The following ROBO4 variants were observed in gnomAD, a reference collection of about 807,000 sequenced individuals.
ROBO4 encodes roundabout homolog 4.
In ROBO4, 80 loss-of-function variants were observed where a neutral mutation model predicts 103.3. The ratio of observed to expected loss-of-function variants is 0.77; its 90% CI spans 0.65 to 0.93. The LOEUF (loss-of-function observed/expected upper bound fraction) is 0.93, where lower values mean the gene tolerates loss of function less well. Ranked by LOEUF, ROBO4 falls within the 40% of genes least tolerant of loss-of-function variation. The pLI is 0.00. For synonymous variants in ROBO4, 504 were observed against 529.7 expected (o/e 0.95, Z 0.67); for missense variants, 1,333 against 1,305.3 (o/e 1.02, Z -0.33).
At position 124,893,977 on chromosome 11, in the gene ROBO4, C is replaced by A. The variant is rs924189427; in HGVS notation, c.1387G>T (p.Ala463Ser). The A allele has an allele frequency of 6.3e-7, 1 of 1,593,252 alleles. No homozygotes were observed. The change falls in exon 9 of 18, where the codon GCT becomes TCT. Residue 463 changes from alanine to serine, a missense_variant. Transcript: ENST00000306534. ...HGPWTLEQLR[A>S]TLKRPEVIAT... The stretch of plus-strand genomic sequence containing the variant: ...ATGACCTCAGGCCGCTTCAAGGTAG[C>A]CCTCAGCTGCTCCAGGGTCCAGGGA...
At position 124,891,444 on chromosome 11, in the gene ROBO4, G is replaced by A. The variant is rs778886357; in HGVS notation, c.1803C>T (p.Val601=). 14 of 1,603,024 alleles carry A rather than the reference G, an allele frequency of 8.7e-6. No homozygotes were observed. In the South Asian group the frequency reaches 1.6e-4, roughly 18 times the overall value. Residue 601 remains valine, a synonymous_variant, in exon 12 of 18, where the codon GTC becomes GTT. Transcript: ENST00000306534. ...SSTPARPSPQ[V]PAVRRLPPQL... ...GGGGTGGGAGGCGCCTGACAGCTGG[G>A]ACCTGGGGACTTGGCCTGGCTGGGG...
chr11:124,896,268 CCCTTCGT>C lies in ROBO4; in HGVS notation c.602_608del (p.Asp201GlyfsTer45), dbSNP rs756600198. ...TGTTGGTGGCCACACACATGTAGGT[CCCTTCGT>C]CACTCTTCTCTGCTCTTGCCATCAG... On this transcript the variant is annotated frameshift_variant, in exon 4 of 18. Coordinates refer to ENST00000306534, the MANE Select transcript of ROBO4 (RefSeq NM_019055.6). LOFTEE classifies it high-confidence loss of function. 1.9e-6 allele frequency: 3 copies of C among 1,614,134 alleles called. No individual in the cohort carries two copies. Among genetic ancestry groups the C allele is most frequent in the Non-Finnish European group, 2.5e-6 (3 of 1,180,016 alleles).
intron 16 of ROBO4, chr11:124,886,241 G>A (rs1946708928): frequency 2.1e-6 from 1 of 466,048 alleles, no homozygotes; most frequent in Non-Finnish European, 3.8e-6. Context: ...ACTTGGGCAA[G>A]CCAATAAAAT....
Position 124,887,264 on chromosome 11 carries a change from TC to T in ROBO4, c.2199-52del, listed in dbSNP as rs762040907. The T allele has an allele frequency of 1.9e-6, 3 of 1,594,516 alleles. No homozygotes were observed. The South Asian group carries it at 3.4e-5, about 18-fold the overall frequency. On this transcript the variant is annotated intron_variant, in intron 14 of 17. Coordinates refer to ENST00000306534, the MANE Select transcript of ROBO4 (RefSeq NM_019055.6). The stretch of plus-strand genomic sequence containing the variant: ...ACCGTAGTTACTACAGCTCTTCAAG[TC>T]CTTTCCCCCCTTCCCCAGCCTGTCC...
At chr11:124,888,532 G>C (rs537869544) in intron 12 of ROBO4, among the ~76,000 whole-genome samples, 4 of 152,214 alleles carry the variant, frequency 2.6e-5, no homozygotes, top group African/African-American at 9.7e-5. Context: ...AAAGGTATTG[G>C]TCTATCCCAG....
chr11:124,884,913 G>A lies in ROBO4; in HGVS notation c.3002C>T (p.Ala1001Val). 1 of 1,614,182 alleles carries A rather than the reference G, an allele frequency of 6.2e-7. No individual in the cohort carries two copies. The highest frequency in any genetic ancestry group is 8.5e-7 in the Non-Finnish European group (1 of 1,180,032). Residue 1001 changes from alanine to valine, a missense_variant and splice_region_variant, in exon 18 of 18, where the codon GCT becomes GTT. Transcript: ENST00000306534. ...GGTTCAGGAGTAATCTACAGGAGAA[G>A]CTGAAGGACAGTGGAGTTATCTCCC... ...QLHCRMPKAG[A>V]SPVDYS
Position 124,897,230 on chromosome 11 carries a change from G to A in ROBO4, c.102C>T (p.Ile34=). Residue 34 remains isoleucine, a synonymous_variant, in exon 2 of 18, where the codon ATC becomes ATT. Transcript: ENST00000306534. ...ACAGCTGGTCCTGGGGGTGGACTAG[G>A]ATCTGGGGCGGGGAGTCCTGAGCCA... ...GGMAQDSPPQ[I]LVHPQDQLFQ... 1 of 1,463,564 alleles carries A rather than the reference G, an allele frequency of 6.8e-7. No individual in the cohort carries two copies. The highest frequency in any genetic ancestry group is 9.0e-7 in the Non-Finnish European group (1 of 1,107,710). 90.7% of individuals were successfully genotyped at this position (1,463,564 alleles called of 1,614,324 possible).
Position 124,886,775 on chromosome 11 carries a change from T to C in ROBO4, c.2483A>G (p.Tyr828Cys). 1.3e-6 allele frequency: 2 copies of C among 1,552,844 alleles called. No individual in the cohort carries two copies. The highest frequency in any genetic ancestry group is 1.7e-6 in the Non-Finnish European group (2 of 1,146,918). The change falls in exon 16 of 18, where the codon TAT becomes TGT. Residue 828 changes from tyrosine to cysteine, a missense_variant. Transcript: ENST00000306534. ...GGCTGTTGGGACGCTGATGTACCCA[T>C]AGGTGGTGGGGGGTGAAGGAGCCCT... Reference protein sequence around the residue: ...MPRAPSPPTTYGYISVPTASE... With the variant: ...MPRAPSPPTTCGYISVPTASE...
intron 10 of ROBO4, chr11:124,892,080 G>C: frequency 1.6e-6 from 1 of 639,666 alleles, no homozygotes; most frequent in Non-Finnish European, 2.9e-6. Context: ...GTAAAAAGAA[G>C]ACCTGAAGAC....
At chr11:124,892,434 T>C in intron 10 of ROBO4, 1 of 213,900 alleles carries the variant, frequency 4.7e-6, no homozygotes. Context: ...AGGACCTTCC[T>C]TGGTCTGGCT....
At position 124,887,344 on chromosome 11, in the gene ROBO4, C is replaced by T. The variant is rs1409613591; in HGVS notation, c.2198+14G>A. Reference sequence around the variant, plus strand: ...ACTCTCCCAGCCCTGCTTCCCGACCCCATGCCCTCTTACTGGGTCTGTTGA... The same window carrying T: ...ACTCTCCCAGCCCTGCTTCCCGACCTCATGCCCTCTTACTGGGTCTGTTGA... On this transcript the variant is annotated intron_variant, in intron 14 of 17. Coordinates refer to ENST00000306534, the MANE Select transcript of ROBO4 (RefSeq NM_019055.6). 2 of 1,613,834 alleles carry T rather than the reference C, an allele frequency of 1.2e-6. No individual in the cohort carries two copies. Among genetic ancestry groups the T allele is most frequent in the Non-Finnish European group, 1.7e-6 (2 of 1,179,910 alleles).
intron 12 of ROBO4, among the ~76,000 whole-genome samples, chr11:124,889,319 G>A (rs1263110873): frequency 3.3e-5 from 5 of 152,160 alleles, no homozygotes; most frequent in Non-Finnish European, 5.9e-5. Flanking sequence ...TCAGAAATAT[G>A]AGCACAAGTT....
In ROBO4 at chr11:124,887,513, G is replaced by T. The variant is rs371203796; in HGVS notation, c.2057-14C>A. On this transcript the variant is annotated splice_polypyrimidine_tract_variant and intron_variant, in intron 13 of 17. Transcript: ENST00000306534. ...GGGGCACAGCTCCTGGGGAAGAGAA[G>T]CCTGGGTGTGAGAACAGTGGCATCC... 2 of 1,613,190 alleles carry T rather than the reference G, an allele frequency of 1.2e-6. No individual in the cohort carries two copies. The highest frequency in any genetic ancestry group is 1.7e-6 in the Non-Finnish European group (2 of 1,179,928).
At chr11:124,890,992 C>T (rs183285116) in intron 12 of ROBO4, among the ~76,000 whole-genome samples, 28 of 152,344 alleles carry the variant, frequency 1.8e-4, no homozygotes, top group Admixed American at 1.5e-3. Context: ...CTTGTGTTCC[C>T]CATGTTTGGC....
chr11:124,886,721 C>G lies in ROBO4; in HGVS notation c.2537G>C (p.Gly846Ala). ...TCCCCCCTTGGGCCCCACCCCTCCTCCAGTCCTGCCCATGTCCGTGAACTC... is the reference window on the plus strand; with the variant it reads ...TCCCCCCTTGGGCCCCACCCCTCCTGCAGTCCTGCCCATGTCCGTGAACTC... Reference protein sequence around the residue: ...ASEFTDMGRTGGGVGPKGGVL... With the variant: ...ASEFTDMGRTAGGVGPKGGVL... Residue 846 changes from glycine to alanine, a missense_variant, in exon 16 of 18, where the codon GGA (glycine) becomes GCA (alanine). By Grantham distance (60) the Gly-to-Ala change is moderately conservative. Coordinates refer to ENST00000306534, the MANE Select transcript of ROBO4 (RefSeq NM_019055.6). 3 of 1,601,680 alleles carry G rather than the reference C, an allele frequency of 1.9e-6. No individual in the cohort carries two copies. The highest frequency in any genetic ancestry group is 2.6e-6 in the Non-Finnish European group (3 of 1,171,758).
intron 3 of ROBO4, 64 bp downstream of exon 3, chr11:124,896,449 C>T (rs1946892101): frequency 9.4e-6 from 15 of 1,596,176 alleles, no homozygotes; most frequent in Non-Finnish European, 1.3e-5. Context: ...GCAGGTCAGT[C>T]CATCAGGGTG....
intron 17 of ROBO4, 21 bp from the exon 18 acceptor site, chr11:124,884,934 C>T: frequency 1.2e-6 from 2 of 1,614,178 alleles, no homozygotes; most frequent in Non-Finnish European, 1.7e-6. Context: ...GTGGAGTTAT[C>T]TCCCTTGCTC....
chr11:124,888,169 G>A (rs1304569190), intron 12 of ROBO4, among the ~76,000 whole-genome samples: 1 of 152,236 alleles, frequency 6.6e-6, no homozygotes, highest in Non-Finnish European at 1.5e-5. Flanking sequence ...GATTGCACAA[G>A]TTCTTGGCCT....
chr11:124,895,448 G>C lies in ROBO4; in HGVS notation c.1036+9C>G, dbSNP rs1214756588. 1 of 1,607,368 alleles carries C rather than the reference G, an allele frequency of 6.2e-7. No homozygotes were observed. Among genetic ancestry groups the C allele is most frequent in the Non-Finnish European group, 8.5e-7 (1 of 1,179,220 alleles). On this transcript the variant is annotated intron_variant, in intron 6 of 17. Transcript: ENST00000306534. ...ATATTGTTGGCTTCTGAAGGGATCA[G>C]GCCCTGACCTTTTTCCGGCAGCCTC... is the stretch of plus-strand genomic sequence containing the variant.
Sources: allele counts gnomAD v4.1 joint callset (sites outside exome capture counted in the v4.1 genomes callset), GRCh38; gene constraint gnomAD v4.1.1; transcripts MANE v1.5; gene names NCBI Gene and HGNC (gene_info 2026-07-23, HGNC 2026-07-21).